Variants in HTR1F observed in about 807,000 individuals in gnomAD.
HTR1F encodes the protein 5-hydroxytryptamine (serotonin) receptor 1F, G protein-coupled.
A neutral mutation model predicts 24.0 loss-of-function variants in HTR1F; 17 were observed. That is an observed-to-expected ratio of 0.71 (90% CI 0.48 to 1.06). The LOEUF is 1.06. Among genes scored for constraint, HTR1F ranks in the 50% least tolerant of loss-of-function variants. The probability of loss-of-function intolerance (pLI) is 0.00; values close to 1 mark genes in which losing one functional copy is unlikely to be tolerated. For missense variants in HTR1F, 391 were observed against 427.8 expected (o/e 0.91, Z 0.76); for synonymous variants, 186 against 156.8 (o/e 1.19, Z -1.39).
At position 87,902,082 on chromosome 3, in the gene HTR1F, G is replaced by A. The variant is rs139507857; in HGVS notation, c.-43+79958G>A. On this transcript the variant is annotated intron_variant, in intron 2 of 2. Coordinates refer to ENST00000319595, the MANE Select transcript of HTR1F (RefSeq NM_001322209.2). ...TCAAAATTATTTCAGTTGAATTTAG[G>A]TGGAAATTGGATTCTAAAATTTATA... 4.5e-3 allele frequency among the ~76,000 whole-genome samples: 691 copies of A among 152,048 alleles called. 8 individuals carry two copies. Among genetic ancestry groups the A allele is most frequent in the African/African-American group, 0.016 (659 of 41,494 alleles).
At chr3:87,887,182 A>AC (rs1381155085) in intron 2 of HTR1F, among the ~76,000 whole-genome samples, 2 of 152,192 alleles carry the variant, frequency 1.3e-5, no homozygotes, top group African/African-American at 4.8e-5. Flanking sequence ...CACATCTACA[A>AC]CCATCTGGCC....
At chr3:87,935,020 C>A (rs1038942001) in intron 2 of HTR1F, among the ~76,000 whole-genome samples, 4 of 152,092 alleles carry the variant, frequency 2.6e-5, no homozygotes, top group Non-Finnish European at 4.4e-5. Flanking sequence ...CCCGTTCCAC[C>A]AGACCCAACT....
intron 2 of HTR1F, among the ~76,000 whole-genome samples, chr3:87,960,487 G>GA (rs2107477609): frequency 6.6e-6 from 1 of 152,076 alleles, no homozygotes; most frequent in South Asian, 2.1e-4. Flanking sequence ...AGTAGGGAAA[G>GA]AATATGGGTT....
At chr3:87,833,797 G>A (rs1196332607) in intron 2 of HTR1F, among the ~76,000 whole-genome samples, 2 of 152,008 alleles carry the variant, frequency 1.3e-5, no homozygotes, top group Admixed American at 6.6e-5. Context: ...AAGCCACCAC[G>A]TGCCCGGCCT....
chr3:87,920,666 C>T (rs1226982718), intron 2 of HTR1F, among the ~76,000 whole-genome samples: 5 of 151,810 alleles, frequency 3.3e-5, no homozygotes, highest in Non-Finnish European at 7.4e-5. Flanking sequence ...TAAATGGGAG[C>T]TAAATGATTG....
intron 2 of HTR1F, among the ~76,000 whole-genome samples, chr3:87,971,889 C>A (rs1053517089): frequency 2.0e-5 from 3 of 152,188 alleles, no homozygotes; most frequent in African/African-American, 7.2e-5. Context: ...CCTACTTCTA[C>A]TGATATACAT....
At chr3:87,926,096 A>G (rs72913785) in intron 2 of HTR1F, among the ~76,000 whole-genome samples, 29,690 of 152,108 alleles carry the variant, frequency 0.2, 3,370 homozygotes, top group African/African-American at 0.32. Context: ...GCTTAAATCA[A>G]TCTTTTTTAC....
chr3:87,984,666 T>C (rs1225753651), intron 2 of HTR1F, among the ~76,000 whole-genome samples: 1 of 152,094 alleles, frequency 6.6e-6, no homozygotes, highest in Non-Finnish European at 1.5e-5. Flanking sequence ...TTCACCATGT[T>C]AGTCAAGCTG....
intron 2 of HTR1F, among the ~76,000 whole-genome samples, chr3:87,844,810 C>T (rs1203012107): frequency 1.3e-5 from 2 of 148,616 alleles, no homozygotes; most frequent in African/African-American, 5.1e-5. Flanking sequence ...GCTTGTTTTT[C>T]TCAGGTTTGT....
intron 1 of HTR1F, among the ~76,000 whole-genome samples, chr3:87,807,427 G>T (rs1187412257): frequency 6.6e-6 from 1 of 151,696 alleles, no homozygotes. Flanking sequence ...ACATTAATTA[G>T]TACATTAATT....
intron 1 of HTR1F, among the ~76,000 whole-genome samples, chr3:87,793,954 G>A (rs955383968): frequency 7.4e-6 from 1 of 135,652 alleles, no homozygotes; most frequent in South Asian, 2.5e-4. Context: ...TTAAATTTTA[G>A]TGGATATGCT....
At chr3:87,937,140 A>G (rs1344026199) in intron 2 of HTR1F, among the ~76,000 whole-genome samples, 3 of 151,504 alleles carry the variant, frequency 2.0e-5, no homozygotes, top group African/African-American at 7.3e-5. Flanking sequence ...TGAGGCCAGC[A>G]TCATCCTGAT....
intron 2 of HTR1F, among the ~76,000 whole-genome samples, chr3:87,843,713 T>C (rs1410870638): frequency 3.6e-5 from 5 of 140,340 alleles, no homozygotes; most frequent in African/African-American, 8.3e-5. Context: ...GATTGTGATG[T>C]TCCCCTTCCT....
chr3:87,928,091 G>T (rs1181461695), intron 2 of HTR1F, among the ~76,000 whole-genome samples: 1 of 149,804 alleles, frequency 6.7e-6, no homozygotes, highest in African/African-American at 2.5e-5. Context: ...TGTCACCCAG[G>T]CTGGAGTGCA....
intron 2 of HTR1F, among the ~76,000 whole-genome samples, chr3:87,918,759 T>A (rs868842442): frequency 4.6e-5 from 7 of 152,088 alleles, no homozygotes; most frequent in Non-Finnish European, 8.8e-5. Context: ...CCCTTGCTCA[T>A]GGATGAGTAG....
chr3:87,883,974 A>T (rs968394605), intron 2 of HTR1F, among the ~76,000 whole-genome samples: 5 of 152,184 alleles, frequency 3.3e-5, no homozygotes, highest in African/African-American at 1.2e-4. Context: ...CCAACATTCA[A>T]ATTCAGGAAA....
chr3:87,965,716 G>C (rs1476139232), intron 2 of HTR1F, among the ~76,000 whole-genome samples: 1 of 152,106 alleles, frequency 6.6e-6, no homozygotes, highest in African/African-American at 2.4e-5. Context: ...AAATGCCTGA[G>C]ATTATATCCA....
intron 2 of HTR1F, among the ~76,000 whole-genome samples, chr3:87,891,286 T>A (rs1309200827): frequency 6.8e-6 from 1 of 148,064 alleles, no homozygotes; most frequent in Non-Finnish European, 1.5e-5. Flanking sequence ...ATAAATTGAG[T>A]GTTTTTTGTT....
In HTR1F at chr3:87,978,201, G is replaced by T. The variant is rs188242693; in HGVS notation, c.-42-12507G>T. On this transcript the variant is annotated intron_variant, in intron 2 of 2. Transcript: ENST00000319595. ...GAGGGGAACATGGTGGCACTCAGAAGGTTGAAGACTCCAGAAATCGCAGAG... is the reference window on the plus strand; with the variant it reads ...GAGGGGAACATGGTGGCACTCAGAATGTTGAAGACTCCAGAAATCGCAGAG... Among the ~76,000 whole-genome samples the T allele has an allele frequency of 9.9e-5, 15 of 152,272 alleles. No individual in the cohort carries two copies. In the East Asian group the frequency reaches 2.9e-3, roughly 29 times the overall value.
Sources: gnomAD v4.1 joint callset for allele counts (sites outside exome capture counted in the v4.1 genomes callset) on GRCh38, gnomAD v4.1.1 for gene constraint, MANE v1.5 for transcripts, NCBI Gene and HGNC (gene_info 2026-07-23, HGNC 2026-07-21) for gene names.